ANKRD36: variants seen among roughly 807,000 people sequenced by gnomAD.
The protein encoded by ANKRD36 is ankyrin repeat domain 36.
In ANKRD36, 179 loss-of-function variants were observed where a neutral mutation model predicts 278.1. The ratio of observed to expected loss-of-function variants is 0.64; its 90% confidence interval spans 0.57 to 0.73. The LOEUF (loss-of-function observed/expected upper bound fraction) is 0.73, where lower values mean the gene tolerates loss of function less well. Among genes scored for constraint, ANKRD36 ranks in the 30% least tolerant of loss-of-function variants. The pLI is 0.00. For synonymous variants in ANKRD36, 320 were observed against 641.1 expected, an observed-to-expected ratio of 0.50 and a Z score of 7.57; for missense variants, 1,159 against 1,956.7, an observed-to-expected ratio of 0.59 and a Z score of 7.69.
At chr2:97,209,329 G>C (rs1394300534) in intron 54 of ANKRD36, among the ~76,000 whole-genome samples, 4 of 146,570 alleles carry the variant, frequency 2.7e-5, no homozygotes, top group Non-Finnish European at 6.0e-5. Flanking sequence ...GGATCATGTA[G>C]CACCTGTTTT....
At chr2:97,195,703 GA>G (rs2059569262) in intron 40 of ANKRD36, among the ~76,000 whole-genome samples, 1 of 151,954 alleles carries the variant, frequency 6.6e-6, no homozygotes, top group African/African-American at 2.4e-5. Context: ...GCTGTTTAAT[GA>G]AACTTCTTTA....
intron 3 of ANKRD36, among the ~76,000 whole-genome samples, chr2:97,121,354 T>TA (rs912301764): frequency 1.3e-5 from 2 of 152,016 alleles, no homozygotes; most frequent in African/African-American, 4.8e-5. Flanking sequence ...AAAATGCAAG[T>TA]AATTGGCCGA....
At chr2:97,205,991 T>C in intron 51 of ANKRD36, 23 bp downstream of exon 51, 1 of 1,549,982 alleles carries the variant, frequency 6.5e-7, no homozygotes, top group Non-Finnish European at 8.7e-7. Flanking sequence ...CCATTTATAT[T>C]GTGAACGAGT....
chr2:97,217,523 G>T (rs1373655984), intron 64 of ANKRD36, among the ~76,000 whole-genome samples, 151 bp downstream of exon 64: 7 of 152,044 alleles, frequency 4.6e-5, no homozygotes, highest in Non-Finnish European at 1.0e-4. Flanking sequence ...GTCAGGTGTT[G>T]TTGATGCTGC....
intron 17 of ANKRD36, among the ~76,000 whole-genome samples, chr2:97,159,295 A>G (rs1025202445): frequency 1.3e-5 from 2 of 152,074 alleles, no homozygotes; most frequent in Non-Finnish European, 2.9e-5. Context: ...AATAGCCAGG[A>G]GAGAATAACT....
intron 52 of ANKRD36, among the ~76,000 whole-genome samples, chr2:97,207,270 A>G (rs1457866754): frequency 2.7e-4 from 41 of 151,510 alleles, no homozygotes; most frequent in African/African-American, 8.5e-4. Context: ...GTATCAGCAA[A>G]CAGATATCCA....
chr2:97,204,515 G>C (rs1265352266), intron 50 of ANKRD36, among the ~76,000 whole-genome samples: 1 of 151,334 alleles, frequency 6.6e-6, no homozygotes, highest in African/African-American at 2.4e-5. Context: ...AAGGCATAAG[G>C]GGCTCCGGGG....
chr2:97,243,149 G>T (rs201677177), intron 69 of ANKRD36, among the ~76,000 whole-genome samples: 1,734 of 137,096 alleles, frequency 0.013, 53 homozygotes, highest in Middle Eastern at 0.022. Flanking sequence ...CAGCCCTCAG[G>T]AGGTCCTGAG....
At chr2:97,196,217 G>T (rs1211355414) in intron 40 of ANKRD36, among the ~76,000 whole-genome samples, 1 of 151,966 alleles carries the variant, frequency 6.6e-6, no homozygotes, top group Non-Finnish European at 1.5e-5. Flanking sequence ...GATTTGTTGC[G>T]TGAAAGACAT....
At chr2:97,185,266 A>G (rs757028419) in intron 28 of ANKRD36, 50 bp from the exon 29 acceptor site, 1 of 1,566,158 alleles carries the variant, frequency 6.4e-7, no homozygotes, top group South Asian at 1.1e-5. Flanking sequence ...TGTATAGATA[A>G]CTTTATCATA....
rs200133054 is a variant in ANKRD36, at chr2:97,113,931, G to C, written c.192G>C (p.Lys64Asn). 2 of 1,612,126 alleles carry C rather than the reference G, an allele frequency of 1.2e-6. No individual in the cohort carries two copies. Among genetic ancestry groups the C allele is most frequent in the African/African-American group, 1.3e-5 (1 of 74,932 alleles). ...ATGACGCCAATAAGAGAGACAGGAA[G>C]GAAAGGTAATGGGGGCCGGGAGCCG... ...TYYDANKRDR[K>N]ERTALHLACA... Residue 64 changes from lysine (K) to asparagine (N), a missense_variant, in exon 1 of 76, where the codon AAG becomes AAC. By Grantham distance (94) the Lys-to-Asn change is moderately conservative (BLOSUM62 0). Coordinates refer to ENST00000420699, the MANE Select transcript of ANKRD36 (RefSeq NM_001354587.1).
rs1331786215 is a variant in ANKRD36 at position 97,189,550 on chromosome 2, T to C, written c.2245+260T>C. The stretch of plus-strand genomic sequence containing the variant: ...GATACATGGAGAGAGGTTCAAGACA[T>C]AAGGGGCTCTGGGGAACAGCATAGT... On this transcript the variant is annotated intron_variant, in intron 34 of 75. Coordinates refer to ENST00000420699, the MANE Select transcript of ANKRD36 (RefSeq NM_001354587.1). Among the ~76,000 whole-genome samples, 15 of 88,338 alleles carry C rather than the reference T, an allele frequency of 1.7e-4. 1 individual carries two copies. Among genetic ancestry groups the C allele is most frequent in the African/African-American group, 3.9e-4 (15 of 38,214 alleles). 58.0% of individuals were successfully genotyped at this position (88,338 alleles called of 152,430 possible).
chr2:97,115,348 T>C (rs1257193264), intron 1 of ANKRD36, among the ~76,000 whole-genome samples: 1 of 152,082 alleles, frequency 6.6e-6, no homozygotes, highest in African/African-American at 2.4e-5. Context: ...CTACTTATAT[T>C]GATGCATGTT....
intron 67 of ANKRD36, among the ~76,000 whole-genome samples, chr2:97,228,646 T>C (rs370061101): frequency 0.14 from 20,078 of 141,392 alleles, 1,557 homozygotes; most frequent in African/African-American, 0.32. Flanking sequence ...TTCAGTTCTG[T>C]TCTGATTTTA....
At chr2:97,159,708 AAAAT>A (rs1412513406) in intron 17 of ANKRD36, among the ~76,000 whole-genome samples, 156 of 151,464 alleles carry the variant, frequency 1.0e-3, no homozygotes, top group African/African-American at 2.1e-3. Context: ...AATAAGAGGG[AAAAT>A]AAATAAGTAA....
chr2:97,195,456 T>C (rs2059499977), intron 40 of ANKRD36, among the ~76,000 whole-genome samples: 1 of 151,998 alleles, frequency 6.6e-6, no homozygotes, highest in South Asian at 2.1e-4. Flanking sequence ...GTGAACTCAC[T>C]TCAGATGCAT....
In ANKRD36 at chr2:97,193,067, G is replaced by A. The variant is rs746123485; in HGVS notation, c.2449+14G>A. On this transcript the variant is annotated intron_variant, in intron 38 of 75. Coordinates refer to ENST00000420699, the MANE Select transcript of ANKRD36 (RefSeq NM_001354587.1). ...AATCTAGGACAGGTAATTTTGAAAA[G>A]AGATTTAATGTCATGTTCAGTGCAG... is the stretch of plus-strand genomic sequence containing the variant. 9.8e-6 allele frequency: 15 copies of A among 1,528,388 alleles called. No individual in the cohort carries two copies. Among genetic ancestry groups the A allele is most frequent in the Non-Finnish European group, 1.3e-5 (15 of 1,133,252 alleles). 94.7% of individuals were successfully genotyped at this position (1,528,388 alleles called of 1,614,324 possible).
rs1213479059 is a variant in ANKRD36 at position 97,218,845 on chromosome 2, G to T, written c.3776-205G>T. Among the ~76,000 whole-genome samples the T allele has an allele frequency of 2.6e-5, 3 of 116,546 alleles. No individual in the cohort carries two copies. In the East Asian group the frequency reaches 1.2e-3, roughly 45 times the overall value. The allele number at this position is 116,546 out of a possible 152,430, so 76.5% of individuals were successfully genotyped here. The stretch of plus-strand genomic sequence containing the variant: ...GGTGCATAATCTCACTTTTTAACTT[G>T]TAACTGTATGTTTTGAAGCTTGTAT... On this transcript the variant is annotated intron_variant, in intron 64 of 75. Coordinates refer to ENST00000420699, the MANE Select transcript of ANKRD36 (RefSeq NM_001354587.1).
chr2:97,224,650 C>T (rs1344618067), intron 66 of ANKRD36, among the ~76,000 whole-genome samples, 156 bp from the exon 67 acceptor site: 1 of 151,968 alleles, frequency 6.6e-6, no homozygotes, highest in Admixed American at 6.6e-5. Context: ...CGAGGTTTCA[C>T]CTTGTTAGCC....
Sources: gnomAD v4.1 joint callset for allele counts (sites outside exome capture counted in the v4.1 genomes callset) on GRCh38, gnomAD v4.1.1 for gene constraint, MANE v1.5 for transcripts, NCBI Gene and HGNC (gene_info 2026-07-23, HGNC 2026-07-21) for gene names.